KAT6B: variants seen among roughly 807,000 people sequenced by gnomAD.
KAT6B encodes the protein lysine acetyltransferase 6B.
KAT6B carries 10 observed loss-of-function variants against 187.5 expected under a neutral mutation model. That is an observed-to-expected ratio of 0.05 (90% CI 0.03 to 0.09). The LOEUF (loss-of-function observed/expected upper bound fraction) is 0.09. Ranked by LOEUF, KAT6B falls within the 10% of genes least tolerant of loss-of-function variation. The pLI, the probability that KAT6B is intolerant of heterozygous loss-of-function variation, is 1.00. For synonymous variants in KAT6B, 861 were observed against 926.8 expected, an observed-to-expected ratio of 0.93 and a Z score of 1.29; for missense variants, 1,952 against 2,558.9, an observed-to-expected ratio of 0.76 and a Z score of 5.12.
At chr10:74,936,233 T>C (rs1208575646) in intron 3 of KAT6B, among the ~76,000 whole-genome samples, 1 of 151,968 alleles carries the variant, frequency 6.6e-6, no homozygotes, top group African/African-American at 2.4e-5. Flanking sequence ...AAACCCTGTC[T>C]CTACCAAAAA....
intron 3 of KAT6B, among the ~76,000 whole-genome samples, chr10:74,846,898 G>C (rs1842146555): frequency 6.6e-6 from 1 of 152,158 alleles, no homozygotes; most frequent in Admixed American, 6.6e-5. Context: ...GACTAATTCA[G>C]GTAGCTTTAG....
At chr10:74,966,603 G>T (rs1156682554) in intron 4 of KAT6B, among the ~76,000 whole-genome samples, 2 of 152,338 alleles carry the variant, frequency 1.3e-5, no homozygotes, top group East Asian at 3.9e-4. Context: ...CAATGTATTT[G>T]TGTAAAATTG....
At chr10:75,001,569 A>G (rs1321439985) in intron 13 of KAT6B, among the ~76,000 whole-genome samples, 1 of 152,208 alleles carries the variant, frequency 6.6e-6, no homozygotes, top group African/African-American at 2.4e-5. Context: ...TAAATACAGA[A>G]GTACGTGTCA....
intron 3 of KAT6B, among the ~76,000 whole-genome samples, chr10:74,898,862 A>G (rs1240072111): frequency 6.6e-6 from 1 of 151,966 alleles, no homozygotes; most frequent in Non-Finnish European, 1.5e-5. Flanking sequence ...TTTATTTAGA[A>G]TCAACCGGCT....
At position 75,028,594 on chromosome 10, in the gene KAT6B, C is replaced by T. The variant is rs1424209939; in HGVS notation, c.3770C>T (p.Ser1257Phe). ...VWPKGTKRGLSKWRQNKERKT... is the reference protein window; with the variant it reads ...VWPKGTKRGLFKWRQNKERKT... ...CCAAAAGGAACAAAGCGCGGTCTAT[C>T]TAAGTGGAGGCAAAACAAAGAGAGG... Residue 1257 changes from serine to phenylalanine, a missense_variant, in exon 18 of 18, where the codon TCT becomes TTT. Physicochemically the swap from Ser to Phe is radical, Grantham distance 155 (BLOSUM62 -2). Coordinates refer to ENST00000287239, the MANE Select transcript of KAT6B (RefSeq NM_012330.4). The T allele has an allele frequency of 6.2e-7, 1 of 1,614,212 alleles. No individual in the cohort carries two copies. Among genetic ancestry groups the T allele is most frequent in the Non-Finnish European group, 8.5e-7 (1 of 1,180,050 alleles).
chr10:75,018,417 T>C (rs919993181), intron 13 of KAT6B, among the ~76,000 whole-genome samples: 1 of 152,198 alleles, frequency 6.6e-6, no homozygotes, highest in Non-Finnish European at 1.5e-5. Flanking sequence ...GGTTTATGCC[T>C]AAATGCTCCC....
At chr10:74,848,150 C>G (rs1015772800) in intron 3 of KAT6B, among the ~76,000 whole-genome samples, 1 of 151,944 alleles carries the variant, frequency 6.6e-6, no homozygotes, top group Non-Finnish European at 1.5e-5. Flanking sequence ...AACTCCTGAC[C>G]TCAGGTGATC....
At chr10:74,965,485 G>A (rs1292056335) in intron 4 of KAT6B, among the ~76,000 whole-genome samples, 3 of 152,180 alleles carry the variant, frequency 2.0e-5, no homozygotes, top group African/African-American at 7.2e-5. Flanking sequence ...TTAAATATTA[G>A]TTGAAGGGAG....
intron 9 of KAT6B, among the ~76,000 whole-genome samples, chr10:74,978,094 C>A (rs1464174111): frequency 6.6e-6 from 1 of 152,198 alleles, no homozygotes; most frequent in Non-Finnish European, 1.5e-5. Context: ...GTCAGGTAGA[C>A]TCCCTACCCA....
intron 3 of KAT6B, among the ~76,000 whole-genome samples, chr10:74,936,934 A>G (rs1277427894): frequency 6.6e-6 from 1 of 152,194 alleles, no homozygotes; most frequent in Admixed American, 6.5e-5. Context: ...TCACTGTTTC[A>G]TGTTTGTAAC....
intron 3 of KAT6B, among the ~76,000 whole-genome samples, chr10:74,897,570 G>A (rs1292765233): frequency 2.6e-5 from 4 of 152,278 alleles, no homozygotes; most frequent in South Asian, 4.1e-4. Flanking sequence ...ACTACCAGGT[G>A]ACTTTCTTTT....
chr10:75,021,483 C>A (rs1028942018), intron 15 of KAT6B, among the ~76,000 whole-genome samples, 198 bp downstream of exon 15: 1 of 152,114 alleles, frequency 6.6e-6, no homozygotes, highest in Admixed American at 6.5e-5. Flanking sequence ...AAAAATGAAA[C>A]ATTTATCATT....
At position 75,031,023 on chromosome 10, in the gene KAT6B, A is replaced by G. The variant is rs1203271451; in HGVS notation, c.6199A>G (p.Asn2067Asp). ...MNTGMSKQSL[N>D]GSYMRR ...CACAGGCATGTCCAAACAGTCTCTC[A>G]ATGGCTCCTACATGAGAAGGTAGAC... The change falls in exon 18 of 18, where the codon AAT becomes GAT. Residue 2067 changes from asparagine (N) to aspartate (D), a missense_variant. Asn to Asp is a conservative substitution (Grantham distance 23). Coordinates refer to ENST00000287239, the MANE Select transcript of KAT6B (RefSeq NM_012330.4). The G allele has an allele frequency of 6.2e-7, 1 of 1,613,424 alleles. No individual in the cohort carries two copies. Among genetic ancestry groups the G allele is most frequent in the Admixed American group, 1.7e-5 (1 of 60,024 alleles).
intron 3 of KAT6B, among the ~76,000 whole-genome samples, chr10:74,947,267 T>C (rs1840016062): frequency 6.6e-6 from 1 of 152,154 alleles, no homozygotes; most frequent in South Asian, 2.1e-4. Context: ...ACTGGAATTA[T>C]AGGGATGAGC....
chr10:74,950,616 T>C (rs752863700), intron 3 of KAT6B, among the ~76,000 whole-genome samples: 7 of 152,164 alleles, frequency 4.6e-5, no homozygotes, highest in Non-Finnish European at 8.8e-5. Flanking sequence ...ATCAGTTGCA[T>C]AAGTGGGTTA....
chr10:75,030,954 G>C lies in KAT6B; in HGVS notation c.6130G>C (p.Gly2044Arg). 6.2e-7 allele frequency: 1 copy of C among 1,614,046 alleles called. No homozygotes were observed. Among genetic ancestry groups the C allele is most frequent in the Non-Finnish European group, 8.5e-7 (1 of 1,180,022 alleles). Residue 2044 changes from glycine to arginine, a missense_variant, in exon 18 of 18, where the codon GGT becomes CGT. Physicochemically the swap from Gly to Arg is moderately radical, Grantham distance 125. Transcript: ENST00000287239. The surrounding 1 kb of genome is among the most constrained non-coding windows in gnomAD (Gnocchi z 4.8). The part of the protein sequence containing the change: ...AQQPMQTPPH[G>R]NMMYTAPGHH... The stretch of plus-strand genomic sequence containing the variant: ...GCAGCCAATGCAGACCCCACCCCAC[G>C]GTAACATGATGTACACGGCCCCCGG...
intron 1 of KAT6B, among the ~76,000 whole-genome samples, chr10:74,837,678 C>G (rs1234363830): frequency 6.6e-6 from 1 of 151,894 alleles, no homozygotes; most frequent in Non-Finnish European, 1.5e-5. Flanking sequence ...TCAATCTATT[C>G]TCTTGCTTAT....
intron 1 of KAT6B, among the ~76,000 whole-genome samples, chr10:74,835,800 TTC>T (rs1841257873): frequency 6.6e-6 from 1 of 152,240 alleles, no homozygotes; most frequent in African/African-American, 2.4e-5. Flanking sequence ...GCTTTGTTAT[TTC>T]TTTTTTTTTA....
chr10:74,901,152 C>T (rs756648050), intron 3 of KAT6B, among the ~76,000 whole-genome samples: 7 of 152,070 alleles, frequency 4.6e-5, no homozygotes, highest in Admixed American at 2.6e-4. Context: ...AAATAATTAC[C>T]GTTGAATCAA....
Sources: gnomAD v4.1 joint callset for allele counts (sites outside exome capture counted in the v4.1 genomes callset) on GRCh38, gnomAD v4.1.1 for gene constraint, Gnocchi (gnomAD v3.1) non-coding constraint, MANE v1.5 for transcripts, NCBI Gene and HGNC (gene_info 2026-07-23, HGNC 2026-07-21) for gene names.